Variants in PLCE1 observed in about 807,000 individuals in gnomAD.
The protein encoded by PLCE1 is 1-phosphatidylinositol 4,5-bisphosphate phosphodiesterase epsilon-1.
PLCE1 carries 119 observed loss-of-function variants against 242.8 expected under a neutral mutation model. That is an observed-to-expected ratio of 0.49 (90% CI 0.42 to 0.57). PLCE1 has a LOEUF of 0.57. Among genes scored for constraint, PLCE1 ranks in the 20% least tolerant of loss-of-function variants. The pLI is 0.00. For synonymous variants in PLCE1, 945 were observed against 1,017.4 expected (o/e 0.93, Z 1.35); for missense variants, 2,441 against 2,788.8 (o/e 0.88, Z 2.81).
chr10:94,068,173 T>A (rs1187702559), intron 2 of PLCE1, among the ~76,000 whole-genome samples: 1 of 152,134 alleles, frequency 6.6e-6, no homozygotes, highest in Non-Finnish European at 1.5e-5. Context: ...TCTGCTTTTG[T>A]TCACCTAAAA....
intron 24 of PLCE1, 54 bp from the exon 25 acceptor site, chr10:94,304,428 C>A: frequency 6.6e-7 from 1 of 1,511,810 alleles, no homozygotes; most frequent in Non-Finnish European, 9.2e-7. Flanking sequence ...TAAGGTGATA[C>A]TTAAGCGACA....
At chr10:94,215,784 A>AGGATGAATTG in intron 4 of PLCE1, among the ~76,000 whole-genome samples, 1 of 152,204 alleles carries the variant, frequency 6.6e-6, no homozygotes, top group Non-Finnish European at 1.5e-5. Context: ...AGAGCAAGGC[A>AGGATGAATTG]TGGTAGCACA....
intron 2 of PLCE1, among the ~76,000 whole-genome samples, chr10:94,054,662 A>G (rs1426842880): frequency 6.6e-6 from 1 of 152,188 alleles, no homozygotes; most frequent in Non-Finnish European, 1.5e-5. Flanking sequence ...AGTGCTTTAC[A>G]TCTATTGGGG....
chr10:94,292,227 T>C (rs1332255602), intron 22 of PLCE1, among the ~76,000 whole-genome samples: 2 of 152,172 alleles, frequency 1.3e-5, no homozygotes, highest in Non-Finnish European at 2.9e-5. Context: ...GCTATAATAA[T>C]AACAGCTACT....
chr10:94,290,305 G>A (rs146632397), intron 22 of PLCE1, among the ~76,000 whole-genome samples: 331 of 150,592 alleles, frequency 2.2e-3, no homozygotes, highest in African/African-American at 7.5e-3. Context: ...ATGAGCCATC[G>A]CACCCGGCCA....
rs913903989 is a variant in PLCE1, at chr10:94,330,039, T to A, written c.*2096T>A. On this transcript the variant is annotated 3_prime_UTR_variant, in exon 33 of 33. Coordinates refer to ENST00000371380, the MANE Select transcript of PLCE1 (RefSeq NM_016341.4). Reference sequence around the variant, plus strand: ...CTCTATAAGTGAACATGCCAAACAGTTTGCCCTACCACGTGTTGAAAACTG... The same window carrying A: ...CTCTATAAGTGAACATGCCAAACAGATTGCCCTACCACGTGTTGAAAACTG... The A allele has an allele frequency of 4.6e-5, 7 of 152,196 alleles. No homozygotes were observed. The highest frequency in any genetic ancestry group is 4.6e-4 in the Admixed American group (7 of 15,278). 9.4% of individuals were successfully genotyped at this position (152,196 alleles called of 1,614,324 possible).
rs892528193 is a variant in PLCE1 at position 94,162,821 on chromosome 10, C to T, written c.1493-8359C>T. On this transcript the variant is annotated intron_variant, in intron 3 of 32. Transcript: ENST00000371380. ...GCTATATATTTCCCTCTACACACTG[C>T]TTTAAATGTGTCCCAGAGATTCTGG... Among the ~76,000 whole-genome samples the T allele has an allele frequency of 2.0e-3, 304 of 152,278 alleles. 2 individuals are homozygous for T. The highest frequency in any genetic ancestry group is 4.7e-4 in the Non-Finnish European group (32 of 68,028).
At chr10:94,142,298 C>A (rs1388806373) in intron 3 of PLCE1, among the ~76,000 whole-genome samples, 1 of 146,602 alleles carries the variant, frequency 6.8e-6, no homozygotes, top group African/African-American at 2.5e-5. Context: ...AAGAAGATCA[C>A]GTTAGGCCAG....
At chr10:94,301,627 T>C (rs2053042376) in intron 24 of PLCE1, among the ~76,000 whole-genome samples, 1 of 152,150 alleles carries the variant, frequency 6.6e-6, no homozygotes, top group Admixed American at 6.5e-5. Flanking sequence ...TTCCCAAGCT[T>C]TCTGCTGGTT....
intron 4 of PLCE1, among the ~76,000 whole-genome samples, chr10:94,184,530 A>G (rs577875075): frequency 1.3e-5 from 2 of 152,124 alleles, no homozygotes; most frequent in African/African-American, 2.4e-5. Context: ...GGCTTTCACT[A>G]TGTTGGCCAG....
At chr10:94,024,226 C>T (rs58497649) in intron 1 of PLCE1, among the ~76,000 whole-genome samples, 1,582 of 152,238 alleles carry the variant, frequency 0.01, 29 homozygotes, top group African/African-American at 0.031. Context: ...AAGTAAATAA[C>T]TGACCAATGT....
chr10:94,233,179 C>A (rs2050201017), intron 5 of PLCE1, among the ~76,000 whole-genome samples: 1 of 152,184 alleles, frequency 6.6e-6, no homozygotes, highest in African/African-American at 2.4e-5. Flanking sequence ...TGGGTCTCAG[C>A]AGGAGTTTCA....
chr10:94,084,125 A>G (rs1321276168), intron 2 of PLCE1, among the ~76,000 whole-genome samples: 1 of 152,212 alleles, frequency 6.6e-6, no homozygotes, highest in Non-Finnish European at 1.5e-5. Flanking sequence ...CGCTTCGACA[A>G]CCAGCAGTAG....
chr10:94,150,083 G>C (rs1236382299), intron 3 of PLCE1, among the ~76,000 whole-genome samples: 1 of 152,182 alleles, frequency 6.6e-6, no homozygotes, highest in Non-Finnish European at 1.5e-5. Context: ...TAACTTTCAT[G>C]TGCTTATAAA....
At chr10:94,171,080 G>T (rs2047959012) in intron 3 of PLCE1, 100 bp from the exon 4 acceptor site, 3 of 986,232 alleles carry the variant, frequency 3.0e-6, no homozygotes, top group Non-Finnish European at 3.2e-6. Flanking sequence ...CAGAGGATTT[G>T]GTTAAAGAAC....
chr10:94,130,444 T>C (rs867875359), intron 2 of PLCE1, among the ~76,000 whole-genome samples: 1 of 152,228 alleles, frequency 6.6e-6, no homozygotes, highest in African/African-American at 2.4e-5. Context: ...ATGTTTATCA[T>C]GGTGAATCCC....
chr10:94,024,760 G>A (rs1018395713), intron 1 of PLCE1, among the ~76,000 whole-genome samples: 3 of 151,994 alleles, frequency 2.0e-5, no homozygotes, highest in African/African-American at 7.2e-5. Context: ...TTTGGCTTAG[G>A]AGAATAAAAT....
chr10:94,147,024 G>A (rs566972790), intron 3 of PLCE1, among the ~76,000 whole-genome samples: 20 of 152,098 alleles, frequency 1.3e-4, no homozygotes, highest in Non-Finnish European at 2.4e-4. Flanking sequence ...CCAGCCTCAC[G>A]ATCTAGTTTT....
intron 4 of PLCE1, among the ~76,000 whole-genome samples, chr10:94,225,888 T>A (rs2137152264): frequency 6.6e-6 from 1 of 152,322 alleles, no homozygotes; most frequent in African/African-American, 2.4e-5. Flanking sequence ...TTTCCTGCAG[T>A]TGTCATGGGT....
Sources: gnomAD v4.1 joint callset for allele counts (sites outside exome capture counted in the v4.1 genomes callset) on GRCh38, gnomAD v4.1.1 for gene constraint, MANE v1.5 for transcripts, NCBI Gene and HGNC (gene_info 2026-07-23, HGNC 2026-07-21) for gene names.